The following RTN1 variants were observed in gnomAD, a reference collection of about 807,000 sequenced individuals.
The protein encoded by RTN1 is reticulon 1, also known as reticulon-1.
In RTN1, 25 loss-of-function variants were observed where a neutral mutation model predicts 65.5. The ratio of observed to expected loss-of-function variants is 0.38; its 90% confidence interval spans 0.28 to 0.53. The LOEUF is 0.53. RTN1 is among the 20% of genes least tolerant of loss of function. The pLI is 0.79. For missense variants in RTN1, 983 were observed against 1,025.4 expected (o/e 0.96, Z 0.57); for synonymous variants, 471 against 447.6 (o/e 1.05, Z -0.66).
rs1885857614 is a variant in RTN1 at position 59,766,720 on chromosome 14, G to A, written c.242-20239C>T. Among the ~76,000 whole-genome samples, 1 of 152,204 alleles carries A rather than the reference G, an allele frequency of 6.6e-6. No homozygotes were observed. The highest frequency in any genetic ancestry group is 1.5e-5 in the Non-Finnish European group (1 of 68,042). On this transcript the variant is annotated intron_variant, in intron 1 of 8. Transcript: ENST00000267484. The surrounding 1 kb of genome is among the most constrained non-coding windows in gnomAD (Gnocchi z 4.4). The stretch of plus-strand genomic sequence containing the variant: ...CTGGACTAGAAGAAACGGAAGGAAA[G>A]AGTGTTGAATACCTGCTATGTGCCA...
At chr14:59,780,231 G>A (rs1176511233) in intron 1 of RTN1, among the ~76,000 whole-genome samples, 4 of 152,188 alleles carry the variant, frequency 2.6e-5, no homozygotes, top group Admixed American at 6.5e-5. Flanking sequence ...GCCACAAAGG[G>A]TAGAGAGGAG....
chr14:59,643,687 T>C (rs1882829882), intron 3 of RTN1, among the ~76,000 whole-genome samples: 1 of 152,140 alleles, frequency 6.6e-6, no homozygotes, highest in South Asian at 2.1e-4. Flanking sequence ...TGAGCAGAGA[T>C]ATCAGCAGCT....
chr14:59,749,458 A>G (rs1885353678), intron 1 of RTN1, among the ~76,000 whole-genome samples: 1 of 103,404 alleles, frequency 9.7e-6, no homozygotes, highest in Non-Finnish European at 1.7e-5. Flanking sequence ...ATATATCTAT[A>G]TATATCTAAT....
intron 2 of RTN1, among the ~76,000 whole-genome samples, chr14:59,745,292 G>T (rs945662616): frequency 1.3e-5 from 2 of 152,130 alleles, no homozygotes; most frequent in Admixed American, 1.3e-4. Flanking sequence ...ACATTACCCT[G>T]TGTCAGGTAT....
chr14:59,616,256 A>G (rs533736742), intron 3 of RTN1, among the ~76,000 whole-genome samples: 2 of 152,196 alleles, frequency 1.3e-5, no homozygotes, highest in Non-Finnish European at 2.9e-5. Context: ...ATCAGTAATC[A>G]TCATAATTAT....
chr14:59,670,417 C>G (rs1883477822), intron 3 of RTN1, among the ~76,000 whole-genome samples: 1 of 152,202 alleles, frequency 6.6e-6, no homozygotes, highest in Non-Finnish European at 1.5e-5. Context: ...AAGACGCAAC[C>G]TGAATCCACA....
At chr14:59,668,414 A>G (rs4578566) in intron 3 of RTN1, among the ~76,000 whole-genome samples, 64,267 of 152,012 alleles carry the variant, frequency 0.42, 14,510 homozygotes, top group African/African-American at 0.57. Context: ...AGAAAGCTGA[A>G]ACTGTATCCC....
intron 3 of RTN1, among the ~76,000 whole-genome samples, chr14:59,676,344 C>A (rs957144053): frequency 1.3e-5 from 2 of 152,148 alleles, no homozygotes; most frequent in Admixed American, 1.3e-4. Context: ...TGCTACTGTT[C>A]TTTTCTGTGA....
At chr14:59,786,648 G>A (rs1435952418) in intron 1 of RTN1, among the ~76,000 whole-genome samples, 1 of 152,088 alleles carries the variant, frequency 6.6e-6, no homozygotes, top group Non-Finnish European at 1.5e-5. Flanking sequence ...GGAGGATGGG[G>A]AAGAAGGAAA....
At chr14:59,657,613 G>T (rs573169152) in intron 3 of RTN1, among the ~76,000 whole-genome samples, 1 of 152,284 alleles carries the variant, frequency 6.6e-6, no homozygotes, top group Non-Finnish European at 1.5e-5. Context: ...TCAGGGTGGG[G>T]CCTTGCCTCA....
chr14:59,714,282 C>T (rs999994514), intron 3 of RTN1, among the ~76,000 whole-genome samples: 1 of 151,618 alleles, frequency 6.6e-6, no homozygotes, highest in African/African-American at 2.4e-5. Context: ...GGGACATGTG[C>T]CACAACATAC....
At chr14:59,629,862 GA>G (rs1397589069) in intron 3 of RTN1, among the ~76,000 whole-genome samples, 1 of 152,122 alleles carries the variant, frequency 6.6e-6, no homozygotes, top group Non-Finnish European at 1.5e-5. Context: ...TCCAATGACA[GA>G]AAAAAACCCC....
intron 3 of RTN1, among the ~76,000 whole-genome samples, chr14:59,711,477 T>C (rs1884417238): frequency 6.6e-6 from 1 of 152,236 alleles, no homozygotes; most frequent in Non-Finnish European, 1.5e-5. Flanking sequence ...CTTTAACTTC[T>C]CTTTGGACTC....
intron 3 of RTN1, among the ~76,000 whole-genome samples, chr14:59,620,571 G>A (rs1039932750): frequency 1.3e-5 from 2 of 152,096 alleles, no homozygotes; most frequent in South Asian, 2.1e-4. Context: ...TAATCAAAAC[G>A]AATTTTACCT....
At chr14:59,750,186 C>CTATAATATATAATAT (rs1566713277) in intron 1 of RTN1, among the ~76,000 whole-genome samples, 554 of 32,268 alleles carry the variant, frequency 0.017, 89 homozygotes, top group African/African-American at 0.12. Flanking sequence ...ATATATAATA[C>CTATAATATATAATAT]ATATATTATA....
intron 3 of RTN1, among the ~76,000 whole-genome samples, chr14:59,708,952 T>C (rs1477489160): frequency 1.3e-5 from 2 of 152,198 alleles, no homozygotes; most frequent in Non-Finnish European, 2.9e-5. Flanking sequence ...ATAGTTAATG[T>C]AGTGGAAAAT....
At chr14:59,718,657 C>G (rs1255888547) in intron 3 of RTN1, among the ~76,000 whole-genome samples, 1 of 152,118 alleles carries the variant, frequency 6.6e-6, no homozygotes, top group African/African-American at 2.4e-5. Context: ...ATGCTAGATA[C>G]AGTGCTCAAA....
rs1886586143 is a variant in RTN1 at position 59,803,635 on chromosome 14, T to C, written c.242-57154A>G. Among the ~76,000 whole-genome samples the C allele has an allele frequency of 6.6e-6, 1 of 152,204 alleles. No homozygotes were observed. Among genetic ancestry groups the C allele is most frequent in the Non-Finnish European group, 1.5e-5 (1 of 68,044 alleles). ...AAGACAAGAGGTAAAAGTATTAATG[T>C]GACCCACTTCTATTCATCATCCAGC... On this transcript the variant is annotated intron_variant, in intron 1 of 8. Coordinates refer to ENST00000267484, the MANE Select transcript of RTN1 (RefSeq NM_021136.3). The surrounding 1 kb of genome is among the most constrained non-coding windows in gnomAD (Gnocchi z 5.6).
intron 2 of RTN1, among the ~76,000 whole-genome samples, chr14:59,743,373 G>T (rs1301300424): frequency 1.3e-5 from 2 of 152,178 alleles, no homozygotes; most frequent in Non-Finnish European, 2.9e-5. Context: ...CCTGAGGACT[G>T]GCTGAAGTTC....
Sources: gnomAD v4.1 joint callset for allele counts (sites outside exome capture counted in the v4.1 genomes callset) on GRCh38, gnomAD v4.1.1 for gene constraint, Gnocchi (gnomAD v3.1) non-coding constraint, MANE v1.5 for transcripts, NCBI Gene and HGNC (gene_info 2026-07-23, HGNC 2026-07-21) for gene names.